The following EZH2 variants were observed in gnomAD, a reference collection of about 807,000 sequenced individuals.
EZH2 encodes histone-lysine N-methyltransferase EZH2.
In EZH2, 18 loss-of-function variants were observed where a neutral mutation model predicts 98.4. That is an observed-to-expected ratio of 0.18 (90% CI 0.13 to 0.27). The LOEUF (loss-of-function observed/expected upper bound fraction) is 0.27, where lower values mean the gene tolerates loss of function less well. Ranked by LOEUF, EZH2 falls within the 10% of genes least tolerant of loss-of-function variation. EZH2 has a pLI of 1.00. For missense variants in EZH2, 470 were observed against 935.1 expected (o/e 0.50, Z 6.49); for synonymous variants, 338 against 312.3 (o/e 1.08, Z -0.87).
chr7:148,832,997 G>T (rs943636252), intron 3 of EZH2, among the ~76,000 whole-genome samples: 1 of 152,090 alleles, frequency 6.6e-6, no homozygotes, highest in Non-Finnish European at 1.5e-5. Flanking sequence ...ACCAATATCA[G>T]TAAGAATCAA....
intron 1 of EZH2, among the ~76,000 whole-genome samples, chr7:148,869,316 G>T (rs1344665783): frequency 6.8e-6 from 1 of 147,664 alleles, no homozygotes; most frequent in African/African-American, 2.5e-5. Context: ...GCACTAAAAA[G>T]GACCCTATAG....
At chr7:148,878,928 A>T (rs1820547426) in intron 1 of EZH2, among the ~76,000 whole-genome samples, 1 of 151,738 alleles carries the variant, frequency 6.6e-6, no homozygotes, top group Admixed American at 6.6e-5. Flanking sequence ...AAAATGTTTA[A>T]AAAGTATCCA....
chr7:148,836,476 A>G (rs1346323574), intron 3 of EZH2, among the ~76,000 whole-genome samples: 1 of 152,190 alleles, frequency 6.6e-6, no homozygotes, highest in Non-Finnish European at 1.5e-5. Context: ...CCAGCAACTT[A>G]TTTTTCTTTG....
chr7:148,848,693 G>A (rs974774759), intron 1 of EZH2, among the ~76,000 whole-genome samples: 3 of 152,090 alleles, frequency 2.0e-5, no homozygotes, highest in South Asian at 2.1e-4. Flanking sequence ...CAGTGTATAC[G>A]AACTTGAATA....
At chr7:148,821,505 T>A (rs541630648) in intron 8 of EZH2, among the ~76,000 whole-genome samples, 25 of 152,138 alleles carry the variant, frequency 1.6e-4, no homozygotes, top group Non-Finnish European at 2.1e-4. Flanking sequence ...TAATTTTTTT[T>A]AAAAAGAACT....
intron 16 of EZH2, 36 bp from the exon 17 acceptor site, chr7:148,810,450 T>C: frequency 6.9e-7 from 1 of 1,459,610 alleles, no homozygotes; most frequent in Non-Finnish European, 9.6e-7. Context: ...TTCTTTTGGA[T>C]AAAGGTGATC....
Position 148,827,226 on chromosome 7 carries a change from T to G in EZH2, c.666A>C (p.Lys222Asn), listed in dbSNP as rs908303261. The G allele has an allele frequency of 1.2e-6, 2 of 1,613,896 alleles. No individual in the cohort carries two copies. The highest frequency in any genetic ancestry group is 4.5e-5 in the East Asian group (2 of 44,842). ...ACATTGAGGAAATGGCTTCAAAAAT[T>G]TTATCAGAAGGAAATTTCCGAGGTG... The part of the protein sequence containing the change: ...SRPPRKFPSD[K>N]IFEAISSMFP... The change falls in exon 7 of 20, where the codon AAA becomes AAC. Residue 222 changes from lysine to asparagine, a missense_variant. Coordinates refer to ENST00000320356, the MANE Select transcript of EZH2 (RefSeq NM_004456.5).
intron 5 of EZH2, 111 bp downstream of exon 5, chr7:148,829,617 C>T (rs1178504909): frequency 1.6e-6 from 2 of 1,238,320 alleles, no homozygotes; most frequent in Admixed American, 5.1e-5. Flanking sequence ...TAGTTCAGTG[C>T]AAAACTTAAT....
At chr7:148,828,291 A>C (rs566239365) in intron 6 of EZH2, among the ~76,000 whole-genome samples, 1 of 152,306 alleles carries the variant, frequency 6.6e-6, no homozygotes, top group African/African-American at 2.4e-5. Context: ...TTGCTAGCCA[A>C]AGGAAACAAA....
chr7:148,810,316 C>T lies in EZH2; in HGVS notation c.2029+17G>A, dbSNP rs769129417. 5.9e-5 allele frequency: 94 copies of T among 1,589,000 alleles called. No individual in the cohort carries two copies. The highest frequency in any genetic ancestry group is 1.7e-4 in the Middle Eastern group (1 of 6,012). On this transcript the variant is annotated intron_variant, in intron 17 of 19. Coordinates refer to ENST00000320356, the MANE Select transcript of EZH2 (RefSeq NM_004456.5). ...ATGCAACTCAGGAACTCACTGCCTC[C>T]CAGCTCTGAAACATACCATTGTTCA...
Position 148,883,094 on chromosome 7 carries a change from G to C in EZH2, c.-8+1070C>G, listed in dbSNP as rs116791925. ...GGAATAATCTGGCTGAATGACAGTT[G>C]ATTTCGTTAGCACCTGTCGCCATTC... On this transcript the variant is annotated intron_variant, in intron 1 of 19. Coordinates refer to ENST00000320356, the MANE Select transcript of EZH2 (RefSeq NM_004456.5). The C allele has an allele frequency of 3.5e-3, 536 of 152,322 alleles. 3 individuals are homozygous for C. Among genetic ancestry groups the C allele is most frequent in the African/African-American group, 0.012 (504 of 41,564 alleles). The allele number at this position is 152,322 out of a possible 1,614,324, so 9.4% of individuals were successfully genotyped here. A position where few individuals can be genotyped will look rare whatever the true frequency, so the allele number is the denominator to read the frequency against.
chr7:148,862,531 T>TA (rs1318393317), intron 1 of EZH2, among the ~76,000 whole-genome samples: 2 of 152,152 alleles, frequency 1.3e-5, no homozygotes, highest in Non-Finnish European at 2.9e-5. Context: ...TTCATTGATT[T>TA]AAAAAAAGTC....
intron 16 of EZH2, among the ~76,000 whole-genome samples, chr7:148,810,872 G>T (rs1200456652): frequency 4.2e-5 from 6 of 142,566 alleles, no homozygotes; most frequent in Non-Finnish European, 9.0e-5. Context: ...CTCCGGCCTG[G>T]GCAACAAGAG....
At chr7:148,859,309 C>T (rs1817321423) in intron 1 of EZH2, among the ~76,000 whole-genome samples, 1 of 152,102 alleles carries the variant, frequency 6.6e-6, no homozygotes, top group African/African-American at 2.4e-5. Context: ...AGTTCAAGAC[C>T]AGCCTGGCCA....
At chr7:148,829,624 T>C in intron 5 of EZH2, 104 bp downstream of exon 5, 1 of 1,293,738 alleles carries the variant, frequency 7.7e-7, no homozygotes, top group South Asian at 1.4e-5. Context: ...GTGCAAAACT[T>C]AATTTTAATA....
At chr7:148,866,556 A>ATATATACGTATATACATATATATACG (rs1554423097) in intron 1 of EZH2, among the ~76,000 whole-genome samples, 2 of 125,648 alleles carry the variant, frequency 1.6e-5, no homozygotes, top group African/African-American at 5.8e-5. Context: ...ATATATATAC[A>ATATATACGTATATACATATATATACG]TATATACATA....
At chr7:148,817,100 T>A (rs1804761633) in intron 11 of EZH2, 122 bp downstream of exon 11, 2 of 930,168 alleles carry the variant, frequency 2.2e-6, no homozygotes, top group East Asian at 5.5e-5. Context: ...GAAAAAAAAA[T>A]TATTTTTAGG....
In EZH2 at chr7:148,817,387, T is replaced by G. The variant is rs764010885; in HGVS notation, c.1245A>C (p.Ala415=). Residue 415 remains alanine, a synonymous_variant, in exon 11 of 20, where the codon GCA becomes GCC. Coordinates refer to ENST00000320356, the MANE Select transcript of EZH2 (RefSeq NM_004456.5). ...KKDETSSSSE[A]NSRCQTPIKM... Reference sequence around the variant, plus strand: ...TTATTGGTGTTTGACACCGAGAATTTGCTTCTACAAAACCAAATGTAAGCA... The same window carrying G: ...TTATTGGTGTTTGACACCGAGAATTGGCTTCTACAAAACCAAATGTAAGCA... 7 of 1,612,118 alleles carry G rather than the reference T, an allele frequency of 4.3e-6. No homozygotes were observed. Among genetic ancestry groups the G allele is most frequent in the Non-Finnish European group, 5.9e-6 (7 of 1,179,576 alleles).
intron 3 of EZH2, among the ~76,000 whole-genome samples, chr7:148,833,817 A>G (rs779729009): frequency 1.7e-4 from 26 of 152,226 alleles, no homozygotes; most frequent in Middle Eastern, 3.2e-3. Flanking sequence ...AAGGATAAGT[A>G]GCTTGCCCAA....
Sources: allele counts gnomAD v4.1 joint callset (sites outside exome capture counted in the v4.1 genomes callset), GRCh38; gene constraint gnomAD v4.1.1; transcripts MANE v1.5; gene names NCBI Gene and HGNC (gene_info 2026-07-23, HGNC 2026-07-21).